The following PSG6 variants were observed in gnomAD, a reference collection of about 807,000 sequenced individuals.
The protein encoded by PSG6 is pregnancy specific beta-1-glycoprotein 6.
PSG6 carries 51 observed loss-of-function variants against 43.3 expected under a neutral mutation model. The observed-to-expected ratio is 1.18, with a 90% confidence interval of 0.94 to 1.49. The LOEUF (loss-of-function observed/expected upper bound fraction) is 1.49. Among genes scored for constraint, PSG6 ranks in the 40% most tolerant of loss-of-function variants. The pLI is 0.00. For synonymous variants in PSG6, 292 were observed against 197.6 expected, an observed-to-expected ratio of 1.48 and a Z score of -4.01; for missense variants, 770 against 522.2, an observed-to-expected ratio of 1.47 and a Z score of -4.62.
chr19:42,910,357 C>G (rs747015656), intron 3 of PSG6: 26 of 1,160,856 alleles, frequency 2.2e-5, no homozygotes, highest in Non-Finnish European at 3.2e-5. Context: ...CCATCACAAG[C>G]TGTGGAACCT....
In PSG6 at chr19:42,908,290, G is replaced by A. The variant is rs146374080; in HGVS notation, c.707-436C>T. Among the ~76,000 whole-genome samples, 911 of 151,824 alleles carry A rather than the reference G, an allele frequency of 6.0e-3. 20 individuals carry two copies. The highest frequency in any genetic ancestry group is 0.021 in the African/African-American group (885 of 41,402). On this transcript the variant is annotated intron_variant, in intron 3 of 5. Transcript: ENST00000187910. ...CCATTTCCAAGGACATTCTAGAGAT[G>A]AGTAATAATGGGACTTCCCATTGTC...
At chr19:42,915,726 G>A (rs1473954899) in intron 2 of PSG6, 1 of 300,028 alleles carries the variant, frequency 3.3e-6, no homozygotes, top group Non-Finnish European at 6.1e-6. Flanking sequence ...TTTAGGGACA[G>A]GGGTCTGGGA....
In PSG6 at chr19:42,907,096, C is replaced by A. The variant is rs752051323; in HGVS notation, c.1066G>T (p.Asp356Tyr). 4 of 1,612,694 alleles carry A rather than the reference C, an allele frequency of 2.5e-6. No individual in the cohort carries two copies. In the South Asian group the frequency reaches 4.4e-5, roughly 18 times the overall value. Residue 356 changes from aspartate to tyrosine, a missense_variant, in exon 5 of 6, where the codon GAC (aspartate) becomes TAC (tyrosine). By Grantham distance (160) the Asp-to-Tyr change is radical. Coordinates refer to ENST00000187910, the MANE Select transcript of PSG6 (RefSeq NM_001031850.4). The stretch of plus-strand genomic sequence containing the variant: ...GAATACTCTGCCGGTGGGTTAGAGT[C>A]CGCAAAGCAGGACAAGTCGAGGTTT... Reference protein sequence around the residue: ...GENLDLSCFADSNPPAEYSWT... With the variant: ...GENLDLSCFAYSNPPAEYSWT...
At chr19:42,907,934 C>A in intron 3 of PSG6, 80 bp from the exon 4 acceptor site, 1 of 1,561,088 alleles carries the variant, frequency 6.4e-7, no homozygotes, top group Non-Finnish European at 8.7e-7. Context: ...TTGGCATCTC[C>A]CACCTGTCAA....
chr19:42,904,163 G>T (rs143151657), intron 5 of PSG6, among the ~76,000 whole-genome samples: 2,003 of 151,502 alleles, frequency 0.013, 69 homozygotes, highest in African/African-American at 0.046. Flanking sequence ...TCAACATAAA[G>T]GCAATATGTG....
chr19:42,911,431 G>A (rs543208437), intron 2 of PSG6, among the ~76,000 whole-genome samples: 18 of 151,028 alleles, frequency 1.2e-4, no homozygotes, highest in Admixed American at 2.0e-4. Context: ...TCAGGCAGTG[G>A]AGCCACAAGG....
At chr19:42,906,051 G>A (rs1972106069) in intron 5 of PSG6, among the ~76,000 whole-genome samples, 1 of 151,624 alleles carries the variant, frequency 6.6e-6, no homozygotes, top group Admixed American at 6.6e-5. Flanking sequence ...TCTAATATTA[G>A]ATATATATAA....
chr19:42,903,481 T>G (rs1732032767), intron 5 of PSG6: 1 of 786,000 alleles, frequency 1.3e-6, no homozygotes, highest in African/African-American at 1.8e-5. Flanking sequence ...GGAAACAGAA[T>G]AGAGGAAATT....
chr19:42,907,122 T>C lies in PSG6; in HGVS notation c.1040A>G (p.Glu347Gly). 1.9e-6 allele frequency: 3 copies of C among 1,612,780 alleles called. No homozygotes were observed. The highest frequency in any genetic ancestry group is 2.5e-6 in the Non-Finnish European group (3 of 1,179,276). ...YPSFTYYRSG[E>G]NLDLSCFADS... ...CGCAAAGCAGGACAAGTCGAGGTTTTCTCCTGAACGGTAATAGGTGAATGA... is the reference window on the plus strand; with the variant it reads ...CGCAAAGCAGGACAAGTCGAGGTTTCCTCCTGAACGGTAATAGGTGAATGA... The change falls in exon 5 of 6, where the codon GAA becomes GGA. Residue 347 changes from glutamate to glycine, a missense_variant. Transcript: ENST00000187910.
Position 42,917,354 on chromosome 19 carries a change from CT to C in PSG6, c.64+374del, listed in dbSNP as rs1182382039. The stretch of plus-strand genomic sequence containing the variant: ...CCTTCTTTCCCTTTTTTTCTTTCTT[CT>C]TTTTATTCTTTTTTTTTTTTTTTTT... On this transcript the variant is annotated intron_variant, in intron 1 of 5. Coordinates refer to ENST00000187910, the MANE Select transcript of PSG6 (RefSeq NM_001031850.4). Among the ~76,000 whole-genome samples, 14 of 138,434 alleles carry C rather than the reference CT, an allele frequency of 1.0e-4. No homozygotes were observed. In the Admixed American group the frequency reaches 1.1e-3, roughly 11 times the overall value. The allele number at this position is 138,434 out of a possible 152,430, so 90.8% of individuals were successfully genotyped here. A position where few individuals can be genotyped will look rare whatever the true frequency, so the allele number is the denominator to read the frequency against.
rs551314228 is a variant in PSG6 at position 42,914,784 on chromosome 19, A to G, written c.427+1341T>C. Among the ~76,000 whole-genome samples, 43 of 151,694 alleles carry G rather than the reference A, an allele frequency of 2.8e-4. 3 individuals are homozygous for G. Among genetic ancestry groups the G allele is most frequent in the Non-Finnish European group, 5.0e-4 (34 of 67,870 alleles). On this transcript the variant is annotated intron_variant, in intron 2 of 5. Transcript: ENST00000187910. ...GAGAGCTCCTGAGTGTGTCTCTCTCACTGGGCCTGTGCTGAGGCAGGGTGT... is the reference window on the plus strand; with the variant it reads ...GAGAGCTCCTGAGTGTGTCTCTCTCGCTGGGCCTGTGCTGAGGCAGGGTGT...
intron 3 of PSG6, among the ~76,000 whole-genome samples, chr19:42,908,623 G>A (rs1972162707): frequency 6.6e-6 from 1 of 151,736 alleles, no homozygotes; most frequent in African/African-American, 2.4e-5. Flanking sequence ...CAGAGGGCAG[G>A]TGAGGACCAT....
rs562817243 is a variant in PSG6 at position 42,915,995 on chromosome 19, T to A, written c.427+130A>T. 2 of 1,492,646 alleles carry A rather than the reference T, an allele frequency of 1.3e-6. 1 individual carries two copies. Among genetic ancestry groups the A allele is most frequent in the South Asian group, 2.6e-5 (2 of 77,894 alleles). 92.5% of individuals were successfully genotyped at this position (1,492,646 alleles called of 1,614,324 possible). ...TCCTCTGTGTGTGTCCTGCACTAAA[T>A]GCCCAAACCCCAGCATGGGACATAA... On this transcript the variant is annotated intron_variant, in intron 2 of 5. Coordinates refer to ENST00000187910, the MANE Select transcript of PSG6 (RefSeq NM_001031850.4).
intron 1 of PSG6, among the ~76,000 whole-genome samples, chr19:42,916,860 C>T (rs952696764): frequency 1.3e-5 from 2 of 151,446 alleles, no homozygotes; most frequent in Admixed American, 6.6e-5. Flanking sequence ...CCTGGGTCTT[C>T]CCTTTCTGAC....
At chr19:42,909,496 A>AC (rs1972178432) in intron 3 of PSG6, among the ~76,000 whole-genome samples, 1 of 151,628 alleles carries the variant, frequency 6.6e-6, no homozygotes, top group African/African-American at 2.4e-5. Context: ...TCTGCAACTC[A>AC]ATTGGGTAGT....
At position 42,910,504 on chromosome 19, in the gene PSG6, G is replaced by A. The variant is rs775131262; in HGVS notation, c.706+76C>T. ...AGGTCTCTGTACTTGGACCTGAGAG[G>A]GACTGAGAGGCCTGGCCTCTGGCCA... On this transcript the variant is annotated intron_variant, in intron 3 of 5. Coordinates refer to ENST00000187910, the MANE Select transcript of PSG6 (RefSeq NM_001031850.4). 9.9e-6 allele frequency: 16 copies of A among 1,612,218 alleles called. 2 individuals carry two copies. Among genetic ancestry groups the A allele is most frequent in the African/African-American group, 1.3e-5 (1 of 74,756 alleles).
In PSG6 at chr19:42,902,318, T is replaced by G. The variant is rs1414180834; in HGVS notation, c.*94A>C. ...TGAAAACATTATCCTTTTGATTATT[T>G]AGTCCAATAACATTGAGTTTTTTTC... is the stretch of plus-strand genomic sequence containing the variant. On this transcript the variant is annotated 3_prime_UTR_variant, in exon 6 of 6. Coordinates refer to ENST00000187910, the MANE Select transcript of PSG6 (RefSeq NM_001031850.4). 1.5e-6 allele frequency: 2 copies of G among 1,371,964 alleles called. No individual in the cohort carries two copies. Among genetic ancestry groups the G allele is most frequent in the African/African-American group, 2.9e-5 (2 of 69,254 alleles). 85.0% of individuals were successfully genotyped at this position (1,371,964 alleles called of 1,614,324 possible).
At chr19:42,909,733 G>A (rs1278378373) in intron 3 of PSG6, 1 of 151,644 alleles carries the variant, frequency 6.6e-6, no homozygotes, top group Non-Finnish European at 1.5e-5. Context: ...TTAGTGTATT[G>A]TCTAAAGAAT....
In PSG6 at chr19:42,907,571, C is replaced by G; in HGVS notation, c.985+5G>C. ...CTGGCCCACAGAGGAACAAAGGATA[C>G]TCACAGAGGACATTCAGGGTGACTG... On this transcript the variant is annotated splice_donor_5th_base_variant and intron_variant, in intron 4 of 5. Transcript: ENST00000187910. 6.2e-7 allele frequency: 1 copy of G among 1,611,192 alleles called. No homozygotes were observed. The highest frequency in any genetic ancestry group is 8.5e-7 in the Non-Finnish European group (1 of 1,178,694).
Sources: allele counts gnomAD v4.1 joint callset (sites outside exome capture counted in the v4.1 genomes callset), GRCh38; gene constraint gnomAD v4.1.1; transcripts MANE v1.5; gene names NCBI Gene and HGNC (gene_info 2026-07-23, HGNC 2026-07-21).